Variants in NTN1 observed in about 807,000 individuals in gnomAD.
NTN1 encodes netrin-1.
NTN1 carries 11 observed loss-of-function variants against 54.2 expected under a neutral mutation model. That is an observed-to-expected ratio of 0.20 (90% CI 0.13 to 0.34). The LOEUF is 0.34. NTN1 is among the 10% of genes least tolerant of loss of function. The probability of loss-of-function intolerance (pLI) is 1.00; values close to 1 mark genes in which losing one functional copy is unlikely to be tolerated. For missense variants in NTN1, 740 were observed against 893.1 expected, an observed-to-expected ratio of 0.83 and a Z score of 2.18; for synonymous variants, 371 against 382.0, an observed-to-expected ratio of 0.97 and a Z score of 0.33.
At chr17:9,086,687 C>G (rs142707439) in intron 2 of NTN1, among the ~76,000 whole-genome samples, 2 of 152,282 alleles carry the variant, frequency 1.3e-5, no homozygotes, top group African/African-American at 4.8e-5. Context: ...ATGTCATCAT[C>G]ATCATGCTCA....
intron 6 of NTN1, among the ~76,000 whole-genome samples, chr17:9,223,021 AG>A (rs1468497124): frequency 1.3e-5 from 2 of 152,186 alleles, no homozygotes; most frequent in African/African-American, 4.8e-5. Flanking sequence ...AGCAGCTGGC[AG>A]GTATTATGCA....
intron 2 of NTN1, among the ~76,000 whole-genome samples, chr17:9,087,403 AGC>A (rs1379272081): frequency 1.3e-5 from 2 of 152,134 alleles, no homozygotes; most frequent in Non-Finnish European, 2.9e-5. Flanking sequence ...TGATCCTGCA[AGC>A]CCTGATTGGC....
At chr17:9,103,760 G>T (rs2092157458) in intron 2 of NTN1, among the ~76,000 whole-genome samples, 1 of 152,016 alleles carries the variant, frequency 6.6e-6, no homozygotes, top group Non-Finnish European at 1.5e-5. Flanking sequence ...CCTTGAAGCT[G>T]TTATGCTTGG....
chr17:9,163,524 A>T (rs1272628701), intron 3 of NTN1, among the ~76,000 whole-genome samples: 5 of 151,168 alleles, frequency 3.3e-5, no homozygotes, highest in African/African-American at 1.2e-4. Context: ...ACACACACGT[A>T]CAGTCACAGC....
chr17:9,101,249 G>A (rs915915616), intron 2 of NTN1, among the ~76,000 whole-genome samples: 1 of 152,134 alleles, frequency 6.6e-6, no homozygotes, highest in African/African-American at 2.4e-5. Flanking sequence ...ACATTTGCTG[G>A]ATTGAATTAA....
intron 6 of NTN1, among the ~76,000 whole-genome samples, chr17:9,225,088 CCGT>C (rs1268870178): frequency 1.3e-5 from 2 of 152,006 alleles, no homozygotes; most frequent in Non-Finnish European, 2.9e-5. Flanking sequence ...TAGTGAAACC[CCGT>C]CTCTATTAAA....
Position 9,071,289 on chromosome 17 carries a change from A to G in NTN1, c.1018+47898A>G, listed in dbSNP as rs571695151. Among the ~76,000 whole-genome samples, 213 of 152,098 alleles carry G rather than the reference A, an allele frequency of 1.4e-3. 1 individual carries two copies. The highest frequency in any genetic ancestry group is 5.0e-3 in the African/African-American group (206 of 41,458). On this transcript the variant is annotated intron_variant, in intron 2 of 6. Coordinates refer to ENST00000173229, the MANE Select transcript of NTN1 (RefSeq NM_004822.3). ...AGAGTGATTTTCTTCCATGTTTCTCAAGCATTTAAAGGGAAGCCTCTGGAA... is the reference window on the plus strand; with the variant it reads ...AGAGTGATTTTCTTCCATGTTTCTCGAGCATTTAAAGGGAAGCCTCTGGAA...
In NTN1 at chr17:9,094,816, C is replaced by T. The variant is rs1428144102; in HGVS notation, c.1019-67997C>T. On this transcript the variant is annotated intron_variant, in intron 2 of 6. Coordinates refer to ENST00000173229, the MANE Select transcript of NTN1 (RefSeq NM_004822.3). ...CTGGCCTGGCCAACATGGTGAAACC[C>T]CGTCTCTACTACAAATACAAAAATT... Among the ~76,000 whole-genome samples the T allele has an allele frequency of 3.3e-5, 5 of 151,910 alleles. No homozygotes were observed. In the East Asian group the frequency reaches 9.6e-4, roughly 29 times the overall value.
intron 5 of NTN1, among the ~76,000 whole-genome samples, chr17:9,220,742 G>C (rs982491747): frequency 6.6e-6 from 1 of 152,120 alleles, no homozygotes; most frequent in Admixed American, 6.5e-5. Flanking sequence ...ACCCCAGCCA[G>C]AGGCTCCGCA....
the NTN1 span, among the ~76,000 whole-genome samples, chr17:9,010,416 C>A: frequency 7.2e-5 from 11 of 152,214 alleles, no homozygotes; most frequent in African/African-American, 2.4e-4. Context: ...CTTCTGTTGA[C>A]TGCTCTGAAC....
At chr17:9,055,959 G>A (rs559494174) in intron 2 of NTN1, among the ~76,000 whole-genome samples, 81 of 152,038 alleles carry the variant, frequency 5.3e-4, no homozygotes, top group African/African-American at 1.7e-3. Context: ...GTGCAATGGC[G>A]CAATCTGTGC....
chr17:9,084,940 G>A (rs1055199368), intron 2 of NTN1, among the ~76,000 whole-genome samples: 1 of 152,106 alleles, frequency 6.6e-6, no homozygotes, highest in Non-Finnish European at 1.5e-5. Context: ...GTGAGCCACC[G>A]TGCCTGACCC....
At chr17:9,066,900 C>T (rs1439803788) in intron 2 of NTN1, among the ~76,000 whole-genome samples, 8 of 149,976 alleles carry the variant, frequency 5.3e-5, no homozygotes, top group African/African-American at 2.0e-4. Context: ...ACTTGGGAGG[C>T]TGAGGCAGGA....
Position 9,239,402 on chromosome 17 carries a change from T to C in NTN1, c.1487-238T>C, listed in dbSNP as rs1906106581. Among the ~76,000 whole-genome samples the C allele has an allele frequency of 6.6e-6, 1 of 152,170 alleles. No homozygotes were observed. Among genetic ancestry groups the C allele is most frequent in the African/African-American group, 2.4e-5 (1 of 41,442 alleles). Reference sequence around the variant, plus strand: ...GCCTTGACAAGGCCAGGAGATGGCTTGTCCCGACGGCAGTGCTGGGTGGCA... The same window carrying C: ...GCCTTGACAAGGCCAGGAGATGGCTCGTCCCGACGGCAGTGCTGGGTGGCA... On this transcript the variant is annotated intron_variant, in intron 6 of 6. Coordinates refer to ENST00000173229, the MANE Select transcript of NTN1 (RefSeq NM_004822.3). This position sits in a 1 kb window ranked among gnomAD's most constrained non-coding sequence, Gnocchi z 5.2.
chr17:9,023,007 C>T lies in NTN1; in HGVS notation c.634C>T (p.Pro212Ser), dbSNP rs1428238477. 6.2e-7 allele frequency: 1 copy of T among 1,607,256 alleles called. No individual in the cohort carries two copies. Among genetic ancestry groups the T allele is most frequent in the Non-Finnish European group, 8.5e-7 (1 of 1,177,912 alleles). Residue 212 changes from proline to serine, a missense_variant, in exon 2 of 7, where the codon CCG becomes TCG. Physicochemically the swap from Pro to Ser is moderately conservative, Grantham distance 74. Coordinates refer to ENST00000173229, the MANE Select transcript of NTN1 (RefSeq NM_004822.3). ...VCTDSHTDMR[P>S]LSGGLIAFST... ...CACCGACTCGCACACCGACATGCGCCCGCTCTCGGGCGGCCTCATCGCCTT... is the reference window on the plus strand; with the variant it reads ...CACCGACTCGCACACCGACATGCGCTCGCTCTCGGGCGGCCTCATCGCCTT...
chr17:9,204,306 CTCTT>C (rs1466480210), intron 5 of NTN1, among the ~76,000 whole-genome samples: 2 of 123,856 alleles, frequency 1.6e-5, no homozygotes, highest in African/African-American at 4.1e-5. Context: ...CTCTCTCTCT[CTCTT>C]TCTTTCTGAC....
chr17:9,118,537 C>T (rs932821847), intron 2 of NTN1, among the ~76,000 whole-genome samples: 6 of 152,084 alleles, frequency 3.9e-5, no homozygotes, highest in African/African-American at 9.7e-5. Context: ...AAACAAAAAC[C>T]GGTTCAGTGG....
chr17:9,205,916 G>A (rs1567738469), intron 5 of NTN1, among the ~76,000 whole-genome samples: 1 of 152,236 alleles, frequency 6.6e-6, no homozygotes, highest in African/African-American at 2.4e-5. Context: ...TGGGTGGAAA[G>A]CACTTTGGTG....
In NTN1 at chr17:9,070,823, C is replaced by T. The variant is rs147242381; in HGVS notation, c.1018+47432C>T. ...GCCAGGCTGGTCTCGAATTCCTGAC[C>T]TCAGGTGATCTGCCCGCCTCCGCCT... On this transcript the variant is annotated intron_variant, in intron 2 of 6. Transcript: ENST00000173229. Among the ~76,000 whole-genome samples the T allele has an allele frequency of 8.1e-3, 1,235 of 152,260 alleles. 23 individuals are homozygous for T. Among genetic ancestry groups the T allele is most frequent in the African/African-American group, 0.028 (1,173 of 41,552 alleles).
Sources: gnomAD v4.1 joint callset for allele counts (sites outside exome capture counted in the v4.1 genomes callset) on GRCh38, gnomAD v4.1.1 for gene constraint, Gnocchi (gnomAD v3.1) non-coding constraint, MANE v1.5 for transcripts, NCBI Gene and HGNC (gene_info 2026-07-23, HGNC 2026-07-21) for gene names.